SNX29: variants seen among roughly 807,000 people sequenced by gnomAD.
The protein encoded by SNX29 is sorting nexin-29.
In SNX29, 78 loss-of-function variants were observed where a neutral mutation model predicts 102.1. The observed-to-expected ratio is 0.76, with a 90% CI of 0.64 to 0.92. The LOEUF is 0.92. Ranked by LOEUF, SNX29 falls within the 40% of genes least tolerant of loss-of-function variation. SNX29 has a pLI of 0.00. For missense variants in SNX29, 1,280 were observed against 1,061.7 expected, an observed-to-expected ratio of 1.21 and a Z score of -2.86; for synonymous variants, 580 against 414.5, an observed-to-expected ratio of 1.40 and a Z score of -4.85.
At chr16:12,500,494 C>T (rs979998455) in intron 19 of SNX29, among the ~76,000 whole-genome samples, 1 of 152,238 alleles carries the variant, frequency 6.6e-6, no homozygotes, top group Non-Finnish European at 1.5e-5. Flanking sequence ...CTGTCAACCC[C>T]ATGCCGTTAT....
At chr16:12,452,181 C>G (rs2086329872) in intron 18 of SNX29, among the ~76,000 whole-genome samples, 2 of 152,208 alleles carry the variant, frequency 1.3e-5, no homozygotes, top group Admixed American at 1.3e-4. Context: ...TGGCCCTGGG[C>G]AACTCTGAGA....
chr16:12,542,829 G>C (rs1222540481), intron 20 of SNX29, among the ~76,000 whole-genome samples: 1 of 151,898 alleles, frequency 6.6e-6, no homozygotes, highest in African/African-American at 2.4e-5. Flanking sequence ...CCTGTAAGGT[G>C]TGTGGACCCA....
chr16:12,338,304 G>A (rs537236476), intron 15 of SNX29, among the ~76,000 whole-genome samples: 3 of 152,274 alleles, frequency 2.0e-5, no homozygotes, highest in East Asian at 1.9e-4. Context: ...GGGCGAGGAA[G>A]GGAAGTACAC....
chr16:12,437,315 C>A (rs1470804794), intron 18 of SNX29, among the ~76,000 whole-genome samples: 3 of 150,616 alleles, frequency 2.0e-5, no homozygotes, highest in South Asian at 4.2e-4. Context: ...AGGTGTCACA[C>A]ACTGTGCTCT....
chr16:12,214,027 G>C (rs1370685366), intron 14 of SNX29, among the ~76,000 whole-genome samples: 1 of 152,112 alleles, frequency 6.6e-6, no homozygotes, highest in African/African-American at 2.4e-5. Context: ...TCAAATGTTG[G>C]GTCATAGCTG....
At chr16:12,471,304 C>T (rs565913439) in intron 18 of SNX29, among the ~76,000 whole-genome samples, 8 of 152,284 alleles carry the variant, frequency 5.3e-5, no homozygotes, top group African/African-American at 1.9e-4. Flanking sequence ...ATGTTGACTG[C>T]TTGGTGGTTA....
intron 20 of SNX29, among the ~76,000 whole-genome samples, chr16:12,525,576 C>A (rs954582634): frequency 1.3e-5 from 2 of 151,976 alleles, no homozygotes; most frequent in African/African-American, 2.4e-5. Flanking sequence ...CCTGTAGTCC[C>A]AGCTACTTGG....
intron 11 of SNX29, among the ~76,000 whole-genome samples, chr16:12,114,223 T>C (rs914331110): frequency 2.6e-5 from 4 of 152,166 alleles, no homozygotes; most frequent in African/African-American, 9.6e-5. Flanking sequence ...GGGAATAATA[T>C]CGTTCCCCTA....
At chr16:12,117,302 C>T in intron 11 of SNX29, among the ~76,000 whole-genome samples, 1 of 146,246 alleles carries the variant, frequency 6.8e-6, no homozygotes, top group South Asian at 2.2e-4. Flanking sequence ...ACCGTGGAAA[C>T]AGGCGTGGTC....
chr16:12,533,863 C>G (rs2076997767), intron 20 of SNX29, among the ~76,000 whole-genome samples: 1 of 152,200 alleles, frequency 6.6e-6, no homozygotes, highest in Non-Finnish European at 1.5e-5. Flanking sequence ...CTGCAGCTAG[C>G]TGGATAGAAG....
chr16:12,038,424 C>G (rs1177398467), intron 4 of SNX29, among the ~76,000 whole-genome samples: 1 of 152,202 alleles, frequency 6.6e-6, no homozygotes, highest in Non-Finnish European at 1.5e-5. Flanking sequence ...ACACCCCTTC[C>G]TGGCACTTGT....
intron 20 of SNX29, among the ~76,000 whole-genome samples, chr16:12,559,921 G>C (rs956258208): frequency 6.6e-6 from 1 of 152,206 alleles, no homozygotes; most frequent in South Asian, 2.1e-4. Context: ...GGAGCTTGCA[G>C]TGAGTCGAGA....
chr16:12,551,438 C>A (rs2856783), intron 20 of SNX29, among the ~76,000 whole-genome samples: 1 of 152,158 alleles, frequency 6.6e-6, no homozygotes, highest in Non-Finnish European at 1.5e-5. Flanking sequence ...ATTCGATCAC[C>A]CAGCATGCTT....
chr16:12,395,078 A>C (rs1479788958), intron 16 of SNX29, among the ~76,000 whole-genome samples: 1 of 152,192 alleles, frequency 6.6e-6, no homozygotes, highest in Admixed American at 6.5e-5. Context: ...GGCTTTGGCA[A>C]ATTGGCTGAT....
chr16:12,554,657 A>G (rs1317798438), intron 20 of SNX29, among the ~76,000 whole-genome samples: 1 of 152,108 alleles, frequency 6.6e-6, no homozygotes, highest in Non-Finnish European at 1.5e-5. Flanking sequence ...CAGTTTGTGC[A>G]TTTGCTAACC....
At chr16:12,543,300 G>A (rs767154856) in intron 20 of SNX29, among the ~76,000 whole-genome samples, 5 of 152,154 alleles carry the variant, frequency 3.3e-5, no homozygotes, top group Non-Finnish European at 5.9e-5. Context: ...CCTGTGGCCC[G>A]GGGAATGGAG....
rs530434635 is a variant in SNX29, at chr16:12,426,833, T to A, written c.2037+23304T>A. Among the ~76,000 whole-genome samples the A allele has an allele frequency of 2.0e-5, 3 of 152,212 alleles. No individual in the cohort carries two copies. The South Asian group carries it at 6.2e-4, about 32-fold the overall frequency. On this transcript the variant is annotated intron_variant, in intron 18 of 20. Coordinates refer to ENST00000566228, the MANE Select transcript of SNX29 (RefSeq NM_032167.5). ...GGTGCATGCTACCATGCCCAGCTAATTTTTGTATTTTTAGTAGAGATGGGG... is the reference window on the plus strand; with the variant it reads ...GGTGCATGCTACCATGCCCAGCTAAATTTTGTATTTTTAGTAGAGATGGGG...
intron 15 of SNX29, among the ~76,000 whole-genome samples, chr16:12,310,460 T>C (rs1244386164): frequency 1.3e-5 from 2 of 151,136 alleles, no homozygotes; most frequent in Non-Finnish European, 2.9e-5. Context: ...CAAGGAGGAA[T>C]GAACCATTGG....
intron 14 of SNX29, among the ~76,000 whole-genome samples, chr16:12,216,319 C>A (rs1438953624): frequency 1.3e-5 from 2 of 152,170 alleles, no homozygotes; most frequent in Admixed American, 6.5e-5. Flanking sequence ...GGCTTTGTGA[C>A]CCCTCCCCTG....
Sources: allele counts gnomAD v4.1 joint callset (sites outside exome capture counted in the v4.1 genomes callset), GRCh38; gene constraint gnomAD v4.1.1; transcripts MANE v1.5; gene names NCBI Gene and HGNC (gene_info 2026-07-23, HGNC 2026-07-21).